Variants in HLTF observed in about 807,000 individuals in gnomAD.
HLTF encodes the protein DNA-dependent ATPase/E3 ubiquitin-protein ligase HLTF.
Under a neutral mutation model 129.4 loss-of-function variants are expected in HLTF, and 127 were observed. The observed-to-expected ratio is 0.98, with a 90% CI of 0.85 to 1.14. The LOEUF is 1.14. Ranked by LOEUF, HLTF falls within the 50% of genes most tolerant of loss-of-function variation. The pLI is 0.00. For synonymous variants in HLTF, 332 were observed against 388.8 expected (o/e 0.85, Z 1.72); for missense variants, 1,139 against 1,187.1 (o/e 0.96, Z 0.60).
intron 19 of HLTF, 174 bp downstream of exon 19, chr3:149,041,992 C>A: frequency 1.6e-6 from 1 of 617,164 alleles, no homozygotes; most frequent in Non-Finnish European, 2.9e-6. Flanking sequence ...ATTATAATTC[C>A]ATTTCATTGG....
At chr3:149,036,539 G>A (rs1715649594) in intron 23 of HLTF, among the ~76,000 whole-genome samples, 1 of 151,856 alleles carries the variant, frequency 6.6e-6, no homozygotes, top group Non-Finnish European at 1.5e-5. Context: ...CGCCCACCTC[G>A]GCCTCCCACA....
At chr3:149,038,436 A>G (rs531241282) in intron 23 of HLTF, among the ~76,000 whole-genome samples, 56 of 152,350 alleles carry the variant, frequency 3.7e-4, no homozygotes, top group African/African-American at 1.3e-3. Flanking sequence ...TACTAACTGT[A>G]TGATACTGGG....
intron 14 of HLTF, chr3:149,052,215 T>C (rs998930720): frequency 6.6e-6 from 1 of 152,160 alleles, no homozygotes; most frequent in Non-Finnish European, 1.5e-5. Context: ...TGTCAGACTT[T>C]TGGTAATTTT....
At chr3:149,085,477 A>T (rs1011465271) in intron 1 of HLTF, among the ~76,000 whole-genome samples, 1 of 152,264 alleles carries the variant, frequency 6.6e-6, no homozygotes, top group Non-Finnish European at 1.5e-5. Context: ...CGACAGAGCG[A>T]GACTCCATGT....
intron 3 of HLTF, among the ~76,000 whole-genome samples, 194 bp from the exon 4 acceptor site, chr3:149,074,542 G>C (rs1173036657): frequency 6.6e-6 from 1 of 152,130 alleles, no homozygotes; most frequent in Non-Finnish European, 1.5e-5. Flanking sequence ...GTGATTTTTA[G>C]AAACAGAGTG....
At chr3:149,050,850 A>G (rs1421628684) in intron 14 of HLTF, among the ~76,000 whole-genome samples, 1 of 152,256 alleles carries the variant, frequency 6.6e-6, no homozygotes, top group Non-Finnish European at 1.5e-5. Context: ...ATAGTGATGT[A>G]ACTAAAAATG....
At chr3:149,063,811 G>GA (rs941567906) in intron 9 of HLTF, among the ~76,000 whole-genome samples, 6 of 150,456 alleles carry the variant, frequency 4.0e-5, no homozygotes, top group South Asian at 4.2e-4. Context: ...AGAGCTATTG[G>GA]AAAAAAAAAT....
intron 8 of HLTF, among the ~76,000 whole-genome samples, chr3:149,066,545 T>A (rs1044159367): frequency 8.6e-5 from 13 of 151,734 alleles, no homozygotes; most frequent in East Asian, 3.9e-4. Context: ...TTTTTTTTTT[T>A]AATAAATCCC....
At chr3:149,045,399 A>G (rs879873252) in intron 18 of HLTF, among the ~76,000 whole-genome samples, 1 of 152,196 alleles carries the variant, frequency 6.6e-6, no homozygotes, top group Non-Finnish European at 1.5e-5. Flanking sequence ...CCATTAAAAT[A>G]TAAATTCCTC....
At chr3:149,041,981 C>G (rs927044208) in intron 19 of HLTF, 185 bp downstream of exon 19, 1 of 606,330 alleles carries the variant, frequency 1.6e-6, no homozygotes, top group African/African-American at 1.9e-5. Context: ...GGAAAGACCT[C>G]ATTATAATTC....
chr3:149,035,812 C>T (rs1375000235), intron 23 of HLTF, among the ~76,000 whole-genome samples: 1 of 152,018 alleles, frequency 6.6e-6, no homozygotes, highest in African/African-American at 2.4e-5. Context: ...TTAACACAGA[C>T]ATGATCATGA....
intron 10 of HLTF, chr3:149,063,184 T>G: frequency 2.2e-6 from 1 of 447,094 alleles, no homozygotes; most frequent in Non-Finnish European, 4.3e-6. Context: ...CTCAGCCTCC[T>G]GGGTAACTGG....
intron 8 of HLTF, among the ~76,000 whole-genome samples, chr3:149,067,175 C>CATAT (rs1045549676): frequency 2.0e-5 from 3 of 150,758 alleles, no homozygotes; most frequent in African/African-American, 7.3e-5. Flanking sequence ...ATATTATATA[C>CATAT]ATATATATAT....
intron 3 of HLTF, among the ~76,000 whole-genome samples, chr3:149,074,645 C>T (rs549117421): frequency 6.6e-6 from 1 of 152,198 alleles, no homozygotes; most frequent in East Asian, 1.9e-4. Flanking sequence ...TAAGTTAAAT[C>T]AAAGGGTAGA....
intron 8 of HLTF, 114 bp downstream of exon 8, chr3:149,068,126 C>T (rs1718558202): frequency 1.7e-6 from 1 of 576,074 alleles, no homozygotes; most frequent in Admixed American, 2.8e-5. Flanking sequence ...ACAGAGAGAC[C>T]ATTCATCGCA....
Position 149,050,296 on chromosome 3 carries a change from G to A in HLTF, c.1553C>T (p.Pro518Leu), listed in dbSNP as rs770747485. 23 of 1,599,036 alleles carry A rather than the reference G, an allele frequency of 1.4e-5. No individual in the cohort carries two copies. The highest frequency in any genetic ancestry group is 1.7e-4 in the Middle Eastern group (1 of 6,042). The change falls in exon 15 of 25, where the codon CCG becomes CTG. Residue 518 changes from proline (P) to leucine (L), a missense_variant. Pro to Leu is a moderately conservative substitution (Grantham distance 98, BLOSUM62 -3). Transcript: ENST00000310053. ...AATATCCTGTTTTGAAAGTAAGGCC[G>A]GTTCTCTAATACGATCAGGACCATA... ...VYYGPDRIREPALLSKQDIVL... is the reference protein window; with the variant it reads ...VYYGPDRIRELALLSKQDIVL...
intron 17 of HLTF, among the ~76,000 whole-genome samples, chr3:149,047,773 A>T (rs897582496): frequency 6.6e-6 from 1 of 152,222 alleles, no homozygotes; most frequent in Non-Finnish European, 1.5e-5. Context: ...TTTGGGGCTT[A>T]GCAACACACA....
At chr3:149,039,526 C>A in intron 22 of HLTF, 55 bp downstream of exon 22, 1 of 813,022 alleles carries the variant, frequency 1.2e-6, no homozygotes, top group Non-Finnish European at 1.9e-6. Flanking sequence ...CTATCCAAAT[C>A]AATATGATTA....
intron 14 of HLTF, among the ~76,000 whole-genome samples, chr3:149,052,624 C>A (rs1428955930): frequency 6.6e-6 from 1 of 152,008 alleles, no homozygotes; most frequent in East Asian, 1.9e-4. Flanking sequence ...GAAGCAAAAA[C>A]CAGACTACCA....
Sources: allele counts gnomAD v4.1 joint callset (sites outside exome capture counted in the v4.1 genomes callset), GRCh38; gene constraint gnomAD v4.1.1; transcripts MANE v1.5; gene names NCBI Gene and HGNC (gene_info 2026-07-23, HGNC 2026-07-21).